ALG6: variants seen among roughly 807,000 people sequenced by gnomAD.
ALG6 encodes the protein ALG6 alpha-1,3-glucosyltransferase.
In ALG6, 46 loss-of-function variants were observed where a neutral mutation model predicts 66.6. That is an observed-to-expected ratio of 0.69 (90% confidence interval 0.55 to 0.88). The LOEUF is 0.88. Ranked by LOEUF, ALG6 falls within the 40% of genes least tolerant of loss-of-function variation. The probability of loss-of-function intolerance (pLI) is 0.00; values close to 1 mark genes in which losing one functional copy is unlikely to be tolerated. For missense variants in ALG6, 505 were observed against 586.8 expected, an observed-to-expected ratio of 0.86 and a Z score of 1.44; for synonymous variants, 185 against 203.7, an observed-to-expected ratio of 0.91 and a Z score of 0.78.
At chr1:63,414,701 T>C (rs1410050565) in intron 10 of ALG6, among the ~76,000 whole-genome samples, 2 of 152,254 alleles carry the variant, frequency 1.3e-5, no homozygotes, top group African/African-American at 4.8e-5. Flanking sequence ...ATTAATATTA[T>C]GTTGAAGAGT....
intron 2 of ALG6, among the ~76,000 whole-genome samples, chr1:63,375,120 G>A (rs528051536): frequency 6.6e-6 from 1 of 152,214 alleles, no homozygotes; most frequent in African/African-American, 2.4e-5. Flanking sequence ...TGGATTGCTT[G>A]AACCCGGGAG....
At chr1:63,381,487 C>A (rs906014201) in intron 2 of ALG6, among the ~76,000 whole-genome samples, 1 of 151,694 alleles carries the variant, frequency 6.6e-6, no homozygotes, top group African/African-American at 2.4e-5. Context: ...AAAAACAAAA[C>A]CCCAAAATTA....
intron 2 of ALG6, among the ~76,000 whole-genome samples, chr1:63,380,583 T>C (rs547069915): frequency 1.5e-4 from 23 of 152,336 alleles, no homozygotes; most frequent in South Asian, 4.1e-4. Context: ...CATATATTAT[T>C]TTCTCGTTTA....
chr1:63,405,409 C>G (rs1204571714), intron 5 of ALG6, among the ~76,000 whole-genome samples: 1 of 152,114 alleles, frequency 6.6e-6, no homozygotes, highest in Non-Finnish European at 1.5e-5. Flanking sequence ...ATTGAACTTC[C>G]ACCAGTCATT....
intron 3 of ALG6, among the ~76,000 whole-genome samples, chr1:63,398,329 G>C (rs1010541442): frequency 6.6e-6 from 1 of 152,160 alleles, no homozygotes; most frequent in Non-Finnish European, 1.5e-5. Flanking sequence ...TTTCTAGGTA[G>C]ATTCCTAGAA....
intron 14 of ALG6, among the ~76,000 whole-genome samples, chr1:63,434,443 T>A (rs1224560764): frequency 6.6e-6 from 1 of 152,172 alleles, no homozygotes; most frequent in Non-Finnish European, 1.5e-5. Flanking sequence ...AAGAGTTTTT[T>A]ACATGTTTAG....
rs116034504 is a variant in ALG6, at chr1:63,370,857, T to G, written c.-121T>G. On this transcript the variant is annotated 5_prime_UTR_variant, in exon 2 of 15. Transcript: ENST00000263440. ...CTCTCAAACTCCTAATTGCGAAGAA[T>G]CGATAACATTTCAAGAAGTGATAAC... is the stretch of plus-strand genomic sequence containing the variant. 2,108 of 756,924 alleles carry G rather than the reference T, an allele frequency of 2.8e-3. 33 individuals are homozygous for G. The African/African-American group carries it at 0.032, about 11-fold the overall frequency. The allele number at this position is 756,924 out of a possible 1,614,324, so 46.9% of individuals were successfully genotyped here.
intron 9 of ALG6, among the ~76,000 whole-genome samples, chr1:63,412,522 C>T (rs1570071202): frequency 1.3e-5 from 2 of 152,210 alleles, no homozygotes; most frequent in East Asian, 3.9e-4. Flanking sequence ...TGAGAAGTTT[C>T]AGCTACAATT....
chr1:63,420,965 A>G (rs1342337645), intron 12 of ALG6, among the ~76,000 whole-genome samples: 3 of 151,894 alleles, frequency 2.0e-5, no homozygotes, highest in Non-Finnish European at 4.4e-5. Flanking sequence ...AGTGCCTTCT[A>G]TTTATCAGGC....
chr1:63,380,312 C>T (rs536380979), intron 2 of ALG6, among the ~76,000 whole-genome samples: 1 of 152,242 alleles, frequency 6.6e-6, no homozygotes, highest in South Asian at 2.1e-4. Flanking sequence ...TGGTAGTTAT[C>T]AAATGGACAT....
chr1:63,398,717 C>T (rs56111994), intron 3 of ALG6, among the ~76,000 whole-genome samples: 24,532 of 152,004 alleles, frequency 0.16, 2,172 homozygotes, highest in East Asian at 0.38. Context: ...CCTCGTGATC[C>T]GCCCATCTCG....
At chr1:63,428,520 T>C in intron 12 of ALG6, 1 of 388,280 alleles carries the variant, frequency 2.6e-6, no homozygotes, top group East Asian at 4.1e-5. Flanking sequence ...AGTTTTCCAA[T>C]TATTATGAGG....
chr1:63,392,359 C>G (rs1015578845), intron 2 of ALG6, among the ~76,000 whole-genome samples: 7 of 151,890 alleles, frequency 4.6e-5, no homozygotes, highest in Non-Finnish European at 8.8e-5. Context: ...TTAGTAGAGA[C>G]GGGGTTTCAC....
chr1:63,428,610 C>T, intron 12 of ALG6, 123 bp from the exon 13 acceptor site: 1 of 733,610 alleles, frequency 1.4e-6, no homozygotes, highest in Middle Eastern at 4.0e-4. Context: ...ATATGAAGAC[C>T]TTCCTGGCTG....
intron 8 of ALG6, 114 bp from the exon 9 acceptor site, chr1:63,411,812 A>G (rs1644517780): frequency 6.3e-6 from 9 of 1,419,798 alleles, no homozygotes; most frequent in Non-Finnish European, 7.9e-6. Flanking sequence ...TATTGGTAAC[A>G]TAGATTTGGC....
intron 2 of ALG6, among the ~76,000 whole-genome samples, chr1:63,372,036 T>C (rs977897565): frequency 2.0e-5 from 3 of 152,172 alleles, no homozygotes; most frequent in African/African-American, 7.2e-5. Flanking sequence ...AGGAAAGATG[T>C]TTGCATTCAA....
intron 12 of ALG6, among the ~76,000 whole-genome samples, chr1:63,422,225 A>AAATATATATCTATATG (rs1644582766): frequency 1.4e-5 from 1 of 71,588 alleles, no homozygotes; most frequent in Admixed American, 2.0e-4. Flanking sequence ...ATATTTATAT[A>AAATATATATCTATATG]AATATAAATA....
intron 7 of ALG6, among the ~76,000 whole-genome samples, chr1:63,410,784 G>C (rs1236043443): frequency 6.6e-6 from 1 of 152,038 alleles, no homozygotes. Context: ...TTAACTTGCT[G>C]TTGGAACATT....
chr1:63,390,203 G>C (rs1385062664), intron 2 of ALG6, among the ~76,000 whole-genome samples: 1 of 152,176 alleles, frequency 6.6e-6, no homozygotes, highest in Admixed American at 6.5e-5. Flanking sequence ...TGTTGGGTCA[G>C]AAATGCTGTC....
Sources: allele counts gnomAD v4.1 joint callset (sites outside exome capture counted in the v4.1 genomes callset), GRCh38; gene constraint gnomAD v4.1.1; transcripts MANE v1.5; gene names NCBI Gene and HGNC (gene_info 2026-07-23, HGNC 2026-07-21).